Variants in ITPR1 observed in about 807,000 individuals in gnomAD.
The protein encoded by ITPR1 is inositol 1,4,5-trisphosphate receptor type 1.
A neutral mutation model predicts 318.4 loss-of-function variants in ITPR1; 96 were observed. The observed-to-expected ratio is 0.30, with a 90% CI of 0.26 to 0.36. The LOEUF is 0.36. Ranked by LOEUF, ITPR1 falls within the 10% of genes least tolerant of loss-of-function variation. ITPR1 has a pLI of 1.00. For synonymous variants in ITPR1, 1,312 were observed against 1,289.9 expected (o/e 1.02, Z -0.37); for missense variants, 2,440 against 3,460.2 (o/e 0.71, Z 7.40).
At chr3:4,741,821 C>T (rs914785265) in intron 44 of ITPR1, among the ~76,000 whole-genome samples, 6 of 152,142 alleles carry the variant, frequency 3.9e-5, no homozygotes, top group African/African-American at 1.2e-4. Flanking sequence ...GAGCAAGTTA[C>T]GTAAATGGGT....
chr3:4,668,215 T>C (rs1369218035), intron 18 of ITPR1, among the ~76,000 whole-genome samples: 1 of 113,080 alleles, frequency 8.8e-6, no homozygotes. Flanking sequence ...GTTCTTTCTA[T>C]TTTTTTTTTT....
At chr3:4,814,969 G>A in intron 58 of ITPR1, 84 bp from the exon 59 acceptor site, 3 of 1,096,348 alleles carry the variant, frequency 2.7e-6, no homozygotes, top group Non-Finnish European at 4.0e-6. Context: ...AAGTAGATGA[G>A]GTCTCACTTG....
intron 44 of ITPR1, among the ~76,000 whole-genome samples, chr3:4,754,738 A>G (rs916589785): frequency 1.3e-5 from 2 of 152,258 alleles, no homozygotes; most frequent in Non-Finnish European, 2.9e-5. Context: ...AAGAGCCACC[A>G]GAACACCTTC....
intron 4 of ITPR1, among the ~76,000 whole-genome samples, chr3:4,562,203 C>G (rs1403381417): frequency 6.6e-6 from 1 of 152,100 alleles, no homozygotes; most frequent in Non-Finnish European, 1.5e-5. Context: ...GTTGGACAAG[C>G]CTGCTGTAAA....
At chr3:4,504,435 C>T (rs1380386087) in intron 2 of ITPR1, among the ~76,000 whole-genome samples, 1 of 152,162 alleles carries the variant, frequency 6.6e-6, no homozygotes, top group Non-Finnish European at 1.5e-5. Context: ...GAGTTGGTGA[C>T]TTCCTTTGGG....
chr3:4,559,630 G>A (rs1020795966), intron 4 of ITPR1, among the ~76,000 whole-genome samples: 1 of 152,130 alleles, frequency 6.6e-6, no homozygotes, highest in African/African-American at 2.4e-5. Context: ...GCCTGCCAAA[G>A]CATTTTGCCA....
intron 13 of ITPR1, among the ~76,000 whole-genome samples, chr3:4,659,328 T>A (rs554044189): frequency 6.6e-6 from 1 of 152,346 alleles, no homozygotes; most frequent in South Asian, 2.1e-4. Context: ...TTTAACTGAA[T>A]AGTATGTTTT....
chr3:4,831,123 T>TCACACACA (rs1318497804), intron 60 of ITPR1: 90 of 247,806 alleles, frequency 3.6e-4, no homozygotes, highest in African/African-American at 1.0e-3. Flanking sequence ...TCTCTCTCTC[T>TCACACACA]CTCTCTCTCA....
intron 4 of ITPR1, among the ~76,000 whole-genome samples, chr3:4,533,855 T>C (rs898654981): frequency 6.6e-6 from 1 of 152,208 alleles, no homozygotes; most frequent in Admixed American, 6.5e-5. Flanking sequence ...ATGGTAATCC[T>C]GCCTTCTGTA....
chr3:4,693,471 C>T lies in ITPR1; in HGVS notation c.4030-19C>T, dbSNP rs763498882. ...CCCCTGCAAGCTTGTAATCTAAACC[C>T]ACCCTGTTCTTTATGTAGCTGGTCA... On this transcript the variant is annotated intron_variant, in intron 32 of 61. Transcript: ENST00000649015. 3 of 1,608,334 alleles carry T rather than the reference C, an allele frequency of 1.9e-6. No homozygotes were observed. Among genetic ancestry groups the T allele is most frequent in the Non-Finnish European group, 2.6e-6 (3 of 1,175,248 alleles).
intron 7 of ITPR1, among the ~76,000 whole-genome samples, chr3:4,642,477 G>A (rs939587970): frequency 3.9e-5 from 6 of 152,158 alleles, no homozygotes; most frequent in African/African-American, 1.2e-4. Flanking sequence ...TGAAAACATT[G>A]TATGAACAGC....
chr3:4,526,531 G>A (rs989338395), intron 4 of ITPR1, among the ~76,000 whole-genome samples: 5 of 152,230 alleles, frequency 3.3e-5, no homozygotes, highest in Non-Finnish European at 7.3e-5. Flanking sequence ...ACTCCTTCTT[G>A]CTTTCAGGAG....
intron 4 of ITPR1, among the ~76,000 whole-genome samples, chr3:4,611,330 C>T (rs1057382948): frequency 7.3e-5 from 11 of 150,680 alleles, no homozygotes; most frequent in Non-Finnish European, 7.4e-5. Context: ...GAGGCCAAGG[C>T]GCGTGGATTA....
At chr3:4,832,814 C>A (rs13096481) in intron 60 of ITPR1, among the ~76,000 whole-genome samples, 1 of 152,036 alleles carries the variant, frequency 6.6e-6, no homozygotes, top group African/African-American at 2.4e-5. Context: ...ATTACAGGTA[C>A]GCCATGTAGC....
intron 2 of ITPR1, 54 bp from the exon 3 acceptor site, chr3:4,516,422 C>T: frequency 4.2e-6 from 4 of 955,910 alleles, no homozygotes; most frequent in East Asian, 2.8e-5. Context: ...GACTTTTTTC[C>T]CCTTCTGAAC....
At chr3:4,603,219 A>G (rs1427117689) in intron 4 of ITPR1, among the ~76,000 whole-genome samples, 1 of 151,994 alleles carries the variant, frequency 6.6e-6, no homozygotes, top group African/African-American at 2.4e-5. Context: ...ATAATTTTTA[A>G]AATTATTTCT....
At chr3:4,501,786 C>T (rs942037146) in intron 2 of ITPR1, among the ~76,000 whole-genome samples, 1 of 152,198 alleles carries the variant, frequency 6.6e-6, no homozygotes, top group Non-Finnish European at 1.5e-5. Flanking sequence ...CACATGAAGG[C>T]AGAAAGAGAC....
At chr3:4,608,995 C>A (rs796625829) in intron 4 of ITPR1, among the ~76,000 whole-genome samples, 1 of 100,730 alleles carries the variant, frequency 9.9e-6, no homozygotes, top group East Asian at 3.2e-4. Flanking sequence ...AGTGAGACTC[C>A]GTCTTTAAAA....
At chr3:4,700,769 G>A (rs2094635787) in intron 35 of ITPR1, among the ~76,000 whole-genome samples, 3 of 152,192 alleles carry the variant, frequency 2.0e-5, no homozygotes, top group Admixed American at 6.5e-5. Context: ...GCAATTTACA[G>A]AAGAAAAAGG....
Sources: gnomAD v4.1 joint callset for allele counts (sites outside exome capture counted in the v4.1 genomes callset) on GRCh38, gnomAD v4.1.1 for gene constraint, MANE v1.5 for transcripts, NCBI Gene and HGNC (gene_info 2026-07-23, HGNC 2026-07-21) for gene names.